Variants in MTHFD1L observed in about 807,000 individuals in gnomAD.
MTHFD1L encodes the protein methylenetetrahydrofolate dehydrogenase (NADP+ dependent) 1 like.
MTHFD1L carries 81 observed loss-of-function variants against 119.5 expected under a neutral mutation model. The ratio of observed to expected loss-of-function variants is 0.68; its 90% CI spans 0.57 to 0.82. MTHFD1L has a LOEUF of 0.82. Among genes scored for constraint, MTHFD1L ranks in the 40% least tolerant of loss-of-function variants. The probability of loss-of-function intolerance (pLI) is 0.00; values close to 1 mark genes in which losing one functional copy is unlikely to be tolerated. For missense variants in MTHFD1L, 1,125 were observed against 1,253.4 expected (o/e 0.90, Z 1.55); for synonymous variants, 430 against 475.2 (o/e 0.90, Z 1.24).
intron 24 of MTHFD1L, among the ~76,000 whole-genome samples, chr6:151,026,576 G>A (rs980217341): frequency 9.2e-5 from 14 of 152,168 alleles, no homozygotes; most frequent in African/African-American, 3.1e-4. Flanking sequence ...AATTAGTGTA[G>A]AGTATGAGAA....
chr6:150,946,143 C>CTGTTT (rs530708750), intron 15 of MTHFD1L, among the ~76,000 whole-genome samples: 23 of 152,072 alleles, frequency 1.5e-4, no homozygotes, highest in African/African-American at 2.7e-4. Context: ...TTGTGGTTTT[C>CTGTTT]TGTTTTGTTT....
intron 1 of MTHFD1L, among the ~76,000 whole-genome samples, chr6:150,870,237 C>T (rs565760776): frequency 2.5e-4 from 38 of 152,280 alleles, no homozygotes; most frequent in Non-Finnish European, 4.9e-4. Flanking sequence ...ATTTTTCTGC[C>T]CCAAGGACAT....
intron 27 of MTHFD1L, chr6:151,099,784 G>A: frequency 6.2e-7 from 1 of 1,607,938 alleles, no homozygotes; most frequent in Non-Finnish European, 8.5e-7. Context: ...GGAGCTGGAA[G>A]TGCTGCTGAT....
chr6:150,914,276 G>T (rs1478401921), intron 8 of MTHFD1L, among the ~76,000 whole-genome samples: 1 of 151,874 alleles, frequency 6.6e-6, no homozygotes, highest in East Asian at 1.9e-4. Flanking sequence ...CAGCCTGGGT[G>T]ATCGGGCCAG....
intron 16 of MTHFD1L, 90 bp from the exon 17 acceptor site, chr6:150,955,905 G>A (rs2128987756): frequency 1.8e-6 from 2 of 1,128,486 alleles, no homozygotes; most frequent in East Asian, 2.4e-5. Flanking sequence ...TTCACCCTCT[G>A]CAACTTCCTG....
chr6:150,889,045 C>T (rs1222890098), intron 7 of MTHFD1L, among the ~76,000 whole-genome samples: 1 of 152,096 alleles, frequency 6.6e-6, no homozygotes, highest in African/African-American at 2.4e-5. Context: ...GGCGTGTCGG[C>T]GCAAGCCTGT....
intron 26 of MTHFD1L, among the ~76,000 whole-genome samples, chr6:151,087,012 G>A (rs1309464737): frequency 1.3e-5 from 2 of 152,094 alleles, no homozygotes; most frequent in Admixed American, 6.6e-5. Context: ...CACTTTGGGA[G>A]GCCGAGGCAG....
intron 26 of MTHFD1L, among the ~76,000 whole-genome samples, chr6:151,078,538 G>C (rs918103180): frequency 6.6e-6 from 1 of 152,110 alleles, no homozygotes; most frequent in African/African-American, 2.4e-5. Context: ...TGAGGCCTGG[G>C]TTCCTCATCA....
intron 16 of MTHFD1L, among the ~76,000 whole-genome samples, chr6:150,953,996 T>C (rs1262851136): frequency 6.6e-6 from 1 of 152,202 alleles, no homozygotes; most frequent in Non-Finnish European, 1.5e-5. Flanking sequence ...TGTGTTTATA[T>C]GAGTGTCAGT....
intron 26 of MTHFD1L, among the ~76,000 whole-genome samples, chr6:151,068,372 A>T (rs1486155392): frequency 1.3e-5 from 2 of 152,172 alleles, no homozygotes; most frequent in Non-Finnish European, 2.9e-5. Flanking sequence ...ACACCTCAGG[A>T]TTTTCCAGTA....
rs770315011 is a variant in MTHFD1L, at chr6:151,037,006, TTCTC to T, written c.2738_2741del (p.Ser913TyrfsTer25). The T allele has an allele frequency of 1.7e-5, 27 of 1,611,906 alleles. No individual in the cohort carries two copies. Among genetic ancestry groups the T allele is most frequent in the Admixed American group, 5.0e-5 (3 of 59,986 alleles). ...CCATCTGCATGGCAAAGACCCACCTTTCTCTATCTCACCAACCTGACAAAAAAGG... is the reference window on the plus strand; with the variant it reads ...CCATCTGCATGGCAAAGACCCACCTTTATCTCACCAACCTGACAAAAAAGG... On this transcript the variant is annotated frameshift_variant, in exon 26 of 28. Transcript: ENST00000367321. LOFTEE classifies it high-confidence loss of function.
At chr6:151,085,954 C>T (rs963526870) in intron 26 of MTHFD1L, among the ~76,000 whole-genome samples, 3 of 151,694 alleles carry the variant, frequency 2.0e-5, no homozygotes, top group South Asian at 4.2e-4. Flanking sequence ...GGGTCCTGGT[C>T]ACCTGGGTGT....
intron 19 of MTHFD1L, among the ~76,000 whole-genome samples, chr6:150,969,126 C>T (rs111569670): frequency 2.0e-5 from 3 of 151,368 alleles, no homozygotes; most frequent in Admixed American, 1.3e-4. Context: ...GGATTACAGG[C>T]GTGGGCCACC....
chr6:151,066,437 C>CA (rs35065800), intron 26 of MTHFD1L, among the ~76,000 whole-genome samples: 18,149 of 50,508 alleles, frequency 0.36, 3,888 homozygotes, highest in East Asian at 0.64. Flanking sequence ...GACTCCATCT[C>CA]AAAAAAAAAA....
Position 151,055,429 on chromosome 6 carries a change from G to T in MTHFD1L, c.2847+18312G>T, listed in dbSNP as rs376291091. 2.1e-4 allele frequency among the ~76,000 whole-genome samples: 32 copies of T among 152,208 alleles called. No individual in the cohort carries two copies. The South Asian group carries it at 3.3e-3, about 16-fold the overall frequency. Reference sequence around the variant, plus strand: ...ACATGCAAGGAAACCAGAGCAGGAAGAGCTTCAGGAACTTGCCCTCCTAGT... The same window carrying T: ...ACATGCAAGGAAACCAGAGCAGGAATAGCTTCAGGAACTTGCCCTCCTAGT... On this transcript the variant is annotated intron_variant, in intron 26 of 27. Transcript: ENST00000367321.
chr6:151,074,977 T>C (rs555041718), intron 26 of MTHFD1L, among the ~76,000 whole-genome samples: 1 of 152,300 alleles, frequency 6.6e-6, no homozygotes, highest in South Asian at 2.1e-4. Flanking sequence ...AACAACGTTA[T>C]AGTTAAAGAG....
chr6:150,969,768 A>G (rs1345845457), intron 19 of MTHFD1L, among the ~76,000 whole-genome samples: 2 of 152,216 alleles, frequency 1.3e-5, no homozygotes, highest in Admixed American at 1.3e-4. Context: ...CACTTCCACC[A>G]GATGATTATA....
chr6:150,936,333 A>G (rs944496809), intron 11 of MTHFD1L, among the ~76,000 whole-genome samples: 1 of 152,158 alleles, frequency 6.6e-6, no homozygotes, highest in Non-Finnish European at 1.5e-5. Context: ...ACAAGTGGGG[A>G]CTTTAGGGTC....
At chr6:151,045,802 G>T (rs374546070) in intron 26 of MTHFD1L, among the ~76,000 whole-genome samples, 1 of 152,146 alleles carries the variant, frequency 6.6e-6, no homozygotes, top group Non-Finnish European at 1.5e-5. Context: ...GGCATCCACT[G>T]CTTCCTCTCA....
Sources: allele counts gnomAD v4.1 joint callset (sites outside exome capture counted in the v4.1 genomes callset), GRCh38; gene constraint gnomAD v4.1.1; transcripts MANE v1.5; gene names NCBI Gene and HGNC (gene_info 2026-07-23, HGNC 2026-07-21).